Variants in TAF4B observed in about 807,000 individuals in gnomAD.
TAF4B encodes TATA-box binding protein associated factor 4b.
A neutral mutation model predicts 86.4 loss-of-function variants in TAF4B; 38 were observed. The ratio of observed to expected loss-of-function variants is 0.44; its 90% CI spans 0.34 to 0.58. The LOEUF is 0.58. TAF4B is among the 20% of genes least tolerant of loss of function. The pLI, the probability that TAF4B is intolerant of heterozygous loss-of-function variation, is 0.02. For missense variants in TAF4B, 988 were observed against 1,027.6 expected, an observed-to-expected ratio of 0.96 and a Z score of 0.53; for synonymous variants, 388 against 391.2, an observed-to-expected ratio of 0.99 and a Z score of 0.10.
intron 14 of TAF4B, among the ~76,000 whole-genome samples, chr18:26,365,706 G>A (rs1304404169): frequency 1.3e-5 from 2 of 152,188 alleles, no homozygotes; most frequent in African/African-American, 4.8e-5. Context: ...GCAAGATAGG[G>A]CTTCCAAAGC....
intron 1 of TAF4B, among the ~76,000 whole-genome samples, chr18:26,240,880 A>T (rs1200334425): frequency 6.6e-6 from 1 of 152,094 alleles, no homozygotes; most frequent in Non-Finnish European, 1.5e-5. Context: ...TATATACTGG[A>T]TTACGTTTAT....
At chr18:26,352,608 C>T (rs569672324) in intron 13 of TAF4B, among the ~76,000 whole-genome samples, 27 of 152,276 alleles carry the variant, frequency 1.8e-4, no homozygotes, top group Admixed American at 1.8e-3. Context: ...CAGCTCACTG[C>T]AACCTCTGCC....
At chr18:26,306,418 T>A (rs1331093275) in intron 9 of TAF4B, among the ~76,000 whole-genome samples, 1 of 152,184 alleles carries the variant, frequency 6.6e-6, no homozygotes, top group East Asian at 1.9e-4. Context: ...TATCTAAAAT[T>A]ATTTTGTTCA....
intron 14 of TAF4B, among the ~76,000 whole-genome samples, chr18:26,387,377 C>A (rs1978434376): frequency 6.6e-6 from 1 of 152,236 alleles, no homozygotes; most frequent in Admixed American, 6.5e-5. Flanking sequence ...AAAATTTCCA[C>A]TCACTGCCAA....
chr18:26,353,332 A>G (rs1422269308), intron 13 of TAF4B, among the ~76,000 whole-genome samples: 1 of 152,242 alleles, frequency 6.6e-6, no homozygotes. Context: ...TCATATATTA[A>G]TAGTCTAAGA....
chr18:26,338,174 G>A (rs543777884), intron 13 of TAF4B, among the ~76,000 whole-genome samples: 169 of 152,224 alleles, frequency 1.1e-3, no homozygotes, highest in Non-Finnish European at 1.8e-3. Context: ...TAAGCCAGGT[G>A]TAGTGGCTTA....
intron 1 of TAF4B, among the ~76,000 whole-genome samples, chr18:26,252,977 T>C (rs1172873618): frequency 6.6e-6 from 1 of 152,140 alleles, no homozygotes; most frequent in Non-Finnish European, 1.5e-5. Flanking sequence ...ACTGAGATTG[T>C]GGAACCTTAT....
chr18:26,359,406 T>C (rs2057313662), intron 14 of TAF4B, among the ~76,000 whole-genome samples: 1 of 152,106 alleles, frequency 6.6e-6, no homozygotes, highest in Non-Finnish European at 1.5e-5. Context: ...GTATGAACAT[T>C]AGGAAAACTC....
intron 14 of TAF4B, among the ~76,000 whole-genome samples, chr18:26,374,618 G>T (rs1567928766): frequency 6.6e-6 from 1 of 152,302 alleles, no homozygotes; most frequent in East Asian, 1.9e-4. Flanking sequence ...GGGAAAAGTG[G>T]TTGGTAACTG....
At chr18:26,347,215 C>T (rs538588437) in intron 13 of TAF4B, among the ~76,000 whole-genome samples, 121 of 151,878 alleles carry the variant, frequency 8.0e-4, no homozygotes, top group Non-Finnish European at 1.5e-3. Context: ...CCACTGCGCC[C>T]GGCCCAGCCA....
chr18:26,246,516 G>A (rs2055926243), intron 1 of TAF4B, among the ~76,000 whole-genome samples: 1 of 151,184 alleles, frequency 6.6e-6, no homozygotes, highest in Admixed American at 6.6e-5. Context: ...ATCTAGGCAA[G>A]TTATTAATCT....
intron 14 of TAF4B, among the ~76,000 whole-genome samples, chr18:26,384,000 A>G (rs1978308377): frequency 6.6e-6 from 1 of 152,206 alleles, no homozygotes; most frequent in South Asian, 2.1e-4. Flanking sequence ...TCAGGTATCC[A>G]GGGCACATTT....
Position 26,274,712 on chromosome 18 carries a change from T to C in TAF4B, c.647T>C (p.Leu216Ser), listed in dbSNP as rs1320450768. ...GTCACAGTTACTCCTGGAAAGCCAT[T>C]GAATACTGTAACTACCCTGAAGCCT... is the stretch of plus-strand genomic sequence containing the variant. ...SVVTVTPGKP[L>S]NTVTTLKPSS... is the part of the protein sequence containing the mutation. Residue 216 changes from leucine (L) to serine (S), a missense_variant, in exon 4 of 15, where the codon TTG (leucine) becomes TCG (serine). By Grantham distance (145) the Leu-to-Ser change is moderately radical (BLOSUM62 -2). Coordinates refer to ENST00000269142, the MANE Select transcript of TAF4B (RefSeq NM_005640.3). The C allele has an allele frequency of 6.8e-6, 11 of 1,614,074 alleles. No homozygotes were observed. The highest frequency in any genetic ancestry group is 9.3e-6 in the Non-Finnish European group (11 of 1,180,034).
intron 1 of TAF4B, among the ~76,000 whole-genome samples, chr18:26,237,771 G>C (rs1158935436): frequency 6.6e-6 from 1 of 152,104 alleles, no homozygotes; most frequent in African/African-American, 2.4e-5. Context: ...TCCCTCAGTT[G>C]GCCATTTTTC....
At chr18:26,308,177 T>A (rs1035741018) in intron 9 of TAF4B, among the ~76,000 whole-genome samples, 2 of 151,850 alleles carry the variant, frequency 1.3e-5, no homozygotes, top group African/African-American at 4.8e-5. Flanking sequence ...TGACCTGAGC[T>A]CCGGAAGTGA....
At chr18:26,377,591 G>A (rs781068841) in intron 14 of TAF4B, among the ~76,000 whole-genome samples, 7 of 152,184 alleles carry the variant, frequency 4.6e-5, no homozygotes, top group Non-Finnish European at 8.8e-5. Context: ...TAACTTGAAT[G>A]TGTTATCAAG....
chr18:26,306,783 T>C (rs548311014), intron 9 of TAF4B, among the ~76,000 whole-genome samples: 4 of 151,036 alleles, frequency 2.6e-5, no homozygotes, highest in South Asian at 2.1e-4. Context: ...TATTTATTTA[T>C]TTATTTATTT....
intron 13 of TAF4B, among the ~76,000 whole-genome samples, chr18:26,340,515 T>G (rs1011759629): frequency 1.3e-5 from 2 of 152,098 alleles, no homozygotes; most frequent in African/African-American, 4.8e-5. Context: ...AGAAACAGAT[T>G]GAAAGGTTTC....
chr18:26,282,175 G>A lies in TAF4B; in HGVS notation c.972+115G>A, dbSNP rs190265336. 9.3e-4 allele frequency: 779 copies of A among 840,240 alleles called. 7 individuals carry two copies. The African/African-American group carries it at 0.012, about 13-fold the overall frequency. 52.0% of individuals were successfully genotyped at this position (840,240 alleles called of 1,614,324 possible). Reference sequence around the variant, plus strand: ...GAATGTGAAGATACTGACAGTGTGGGAGAAACCTCTGAGTGCTTTTGTAAG... The same window carrying A: ...GAATGTGAAGATACTGACAGTGTGGAAGAAACCTCTGAGTGCTTTTGTAAG... On this transcript the variant is annotated intron_variant, in intron 6 of 14. Coordinates refer to ENST00000269142, the MANE Select transcript of TAF4B (RefSeq NM_005640.3).
Sources: gnomAD v4.1 joint callset for allele counts (sites outside exome capture counted in the v4.1 genomes callset) on GRCh38, gnomAD v4.1.1 for gene constraint, MANE v1.5 for transcripts, NCBI Gene and HGNC (gene_info 2026-07-23, HGNC 2026-07-21) for gene names.